CACNA2D1: variants seen among roughly 807,000 people sequenced by gnomAD.
CACNA2D1 encodes voltage-dependent calcium channel subunit alpha-2/delta-1.
Under a neutral mutation model 171.5 loss-of-function variants are expected in CACNA2D1, and 53 were observed. The ratio of observed to expected loss-of-function variants is 0.31; its 90% CI spans 0.25 to 0.39. CACNA2D1 has a LOEUF of 0.39. Among genes scored for constraint, CACNA2D1 ranks in the 10% least tolerant of loss-of-function variants. CACNA2D1 has a pLI of 1.00. For synonymous variants in CACNA2D1, 442 were observed against 443.1 expected, an observed-to-expected ratio of 1.00 and a Z score of 0.03; for missense variants, 903 against 1,299.8, an observed-to-expected ratio of 0.69 and a Z score of 4.69.
At chr7:81,962,979 A>AAGTT (rs1794322012) in intron 34 of CACNA2D1, among the ~76,000 whole-genome samples, 1 of 152,048 alleles carries the variant, frequency 6.6e-6, no homozygotes, top group Non-Finnish European at 1.5e-5. Context: ...ACTTTCATGA[A>AAGTT]ACAAAATATA....
chr7:81,983,924 AG>A (rs1796691829), intron 22 of CACNA2D1, among the ~76,000 whole-genome samples: 1 of 152,166 alleles, frequency 6.6e-6, no homozygotes, highest in Admixed American at 6.5e-5. Flanking sequence ...GAAAAATTTA[AG>A]GTTGTTAGCA....
At chr7:82,094,501 T>G (rs1811629907) in intron 6 of CACNA2D1, among the ~76,000 whole-genome samples, 1 of 152,222 alleles carries the variant, frequency 6.6e-6, no homozygotes, top group East Asian at 1.9e-4. Context: ...TCAGGATGCC[T>G]ACAACATAGT....
At chr7:82,432,646 T>A (rs1377216078) in intron 1 of CACNA2D1, among the ~76,000 whole-genome samples, 2 of 152,330 alleles carry the variant, frequency 1.3e-5, no homozygotes, top group East Asian at 3.9e-4. Context: ...TTCCAGTGGT[T>A]TTTTAATCTT....
At chr7:82,015,194 T>A (rs1187630173) in intron 12 of CACNA2D1, among the ~76,000 whole-genome samples, 1 of 152,216 alleles carries the variant, frequency 6.6e-6, no homozygotes, top group East Asian at 1.9e-4. Flanking sequence ...ATTTCATAGG[T>A]ATGTAGTAAT....
At chr7:82,361,724 T>C (rs1821099086) in intron 1 of CACNA2D1, among the ~76,000 whole-genome samples, 1 of 152,160 alleles carries the variant, frequency 6.6e-6, no homozygotes, top group African/African-American at 2.4e-5. Context: ...CTTTAAGACA[T>C]GACTAATGTA....
chr7:82,204,256 C>A (rs1444304723), intron 3 of CACNA2D1, among the ~76,000 whole-genome samples: 1 of 152,152 alleles, frequency 6.6e-6, no homozygotes. Context: ...AAGGAGGTGA[C>A]AACTATGATA....
intron 12 of CACNA2D1, among the ~76,000 whole-genome samples, chr7:82,023,292 C>T (rs1801473529): frequency 6.6e-6 from 1 of 151,828 alleles, no homozygotes; most frequent in Admixed American, 6.6e-5. Context: ...AACATGGATC[C>T]TGTTTTAAAG....
At chr7:81,957,675 A>T (rs1013061100) in intron 38 of CACNA2D1, among the ~76,000 whole-genome samples, 5 of 152,144 alleles carry the variant, frequency 3.3e-5, no homozygotes, top group Non-Finnish European at 7.4e-5. Flanking sequence ...ATTCACAGTG[A>T]CCATTGCAAA....
chr7:82,333,583 C>G (rs1196048910), intron 3 of CACNA2D1, among the ~76,000 whole-genome samples: 1 of 151,870 alleles, frequency 6.6e-6, no homozygotes, highest in South Asian at 2.1e-4. Context: ...GAAAGACCCG[C>G]CCCCATGATT....
At chr7:82,293,483 T>C (rs1437943587) in intron 3 of CACNA2D1, among the ~76,000 whole-genome samples, 1 of 152,212 alleles carries the variant, frequency 6.6e-6, no homozygotes, top group Non-Finnish European at 1.5e-5. Context: ...CCATTTTGTT[T>C]GCAAATCCCA....
At chr7:82,170,486 C>T in intron 4 of CACNA2D1, 64 bp downstream of exon 4, 1 of 1,000,556 alleles carries the variant, frequency 1.0e-6, no homozygotes, top group Non-Finnish European at 1.6e-6. Context: ...TTTTAATATG[C>T]ATGTAATTAT....
At chr7:82,281,817 ACT>A (rs1250943951) in intron 3 of CACNA2D1, among the ~76,000 whole-genome samples, 10 of 149,914 alleles carry the variant, frequency 6.7e-5, no homozygotes, top group South Asian at 6.3e-4. Flanking sequence ...TATATTTAAA[ACT>A]CTCTGATTCC....
chr7:82,042,124 A>G (rs1468437028), intron 10 of CACNA2D1, among the ~76,000 whole-genome samples: 1 of 152,210 alleles, frequency 6.6e-6, no homozygotes, highest in Non-Finnish European at 1.5e-5. Flanking sequence ...AATGTACAGA[A>G]AGGAATAACT....
chr7:82,395,229 G>A (rs1424352562), intron 1 of CACNA2D1, among the ~76,000 whole-genome samples: 1 of 151,904 alleles, frequency 6.6e-6, no homozygotes, highest in Admixed American at 6.6e-5. Context: ...CTCCAACTCT[G>A]ATGGAATGTA....
At chr7:82,093,556 TAATA>T (rs907761876) in intron 6 of CACNA2D1, among the ~76,000 whole-genome samples, 5 of 152,240 alleles carry the variant, frequency 3.3e-5, no homozygotes, top group African/African-American at 4.8e-5. Context: ...GAAGAAAGGT[TAATA>T]GTCTATTAAC....
chr7:82,312,354 C>T (rs1301284427), intron 3 of CACNA2D1, among the ~76,000 whole-genome samples: 1 of 152,088 alleles, frequency 6.6e-6, no homozygotes, highest in Non-Finnish European at 1.5e-5. Context: ...ACCATTCTGA[C>T]TTAAAAATCA....
intron 24 of CACNA2D1, among the ~76,000 whole-genome samples, chr7:81,975,228 C>A (rs538302832): frequency 5.9e-5 from 9 of 152,138 alleles, no homozygotes; most frequent in Non-Finnish European, 1.0e-4. Flanking sequence ...TTTCTTGCAA[C>A]TGCATGTGAA....
intron 3 of CACNA2D1, among the ~76,000 whole-genome samples, chr7:82,189,725 G>T (rs1798107913): frequency 6.6e-6 from 1 of 151,680 alleles, no homozygotes; most frequent in Non-Finnish European, 1.5e-5. Flanking sequence ...ACACAGAAAA[G>T]AATACATAAG....
At chr7:82,261,656 T>C (rs1259672868) in intron 3 of CACNA2D1, among the ~76,000 whole-genome samples, 4 of 152,096 alleles carry the variant, frequency 2.6e-5, no homozygotes, top group African/African-American at 9.7e-5. Context: ...AACCAACATA[T>C]AGGGTGAAAT....
Sources: allele counts gnomAD v4.1 joint callset (sites outside exome capture counted in the v4.1 genomes callset), GRCh38; gene constraint gnomAD v4.1.1; transcripts MANE v1.5; gene names NCBI Gene and HGNC (gene_info 2026-07-23, HGNC 2026-07-21).